Variants in ASB8 observed in about 807,000 individuals in gnomAD.
The protein encoded by ASB8 is ankyrin repeat and SOCS box containing 8.
A neutral mutation model predicts 22.9 loss-of-function variants in ASB8; 15 were observed. The ratio of observed to expected loss-of-function variants is 0.66; its 90% CI spans 0.44 to 1.01. The LOEUF (loss-of-function observed/expected upper bound fraction) is 1.01. ASB8 is among the 50% of genes least tolerant of loss of function. The pLI is 0.00. For missense variants in ASB8, 294 were observed against 356.9 expected (o/e 0.82, Z 1.42); for synonymous variants, 124 against 140.8 (o/e 0.88, Z 0.84).
At chr12:48,151,791 A>G (rs1951207855) in intron 2 of ASB8, 3 of 438,320 alleles carry the variant, frequency 6.8e-6, no homozygotes, top group Non-Finnish European at 8.3e-6. Context: ...TTTTATAAAC[A>G]TCTTCAAAGT....
At chr12:48,152,297 T>C (rs1032665783) in intron 2 of ASB8, among the ~76,000 whole-genome samples, 1 of 152,228 alleles carries the variant, frequency 6.6e-6, no homozygotes, top group African/African-American at 2.4e-5. Flanking sequence ...AAGCTAACAC[T>C]GCATGACTTT....
chr12:48,155,621 T>G (rs1951287771), intron 1 of ASB8, among the ~76,000 whole-genome samples: 1 of 150,802 alleles, frequency 6.6e-6, no homozygotes, highest in South Asian at 2.1e-4. Context: ...TCCCAGCCAC[T>G]TGGGAGGCTG....
chr12:48,152,221 G>C lies in ASB8; in HGVS notation c.130-916C>G, dbSNP rs148918652. 6.0e-3 allele frequency among the ~76,000 whole-genome samples: 913 copies of C among 151,938 alleles called. 8 individuals carry two copies. The highest frequency in any genetic ancestry group is 0.021 in the African/African-American group (852 of 41,432). ...AAAGTCACTGAATGACTCAGCAGCA[G>C]AGCTAGAATTAGAATGTTACAAGGT... On this transcript the variant is annotated intron_variant, in intron 2 of 3. Transcript: ENST00000317697.
Position 48,149,279 on chromosome 12 carries a change from C to T in ASB8, c.*87G>A. On this transcript the variant is annotated 3_prime_UTR_variant, in exon 4 of 4. Transcript: ENST00000317697. ...TCTATAAACCACACAACAGGAACAA[C>T]TGTTTTTCTGTTTTCTGTGACAAGG... The T allele has an allele frequency of 7.3e-7, 1 of 1,378,166 alleles. No homozygotes were observed. The highest frequency in any genetic ancestry group is 1.4e-5 in the South Asian group (1 of 72,554). The allele number at this position is 1,378,166 out of a possible 1,614,324, so 85.4% of individuals were successfully genotyped here. A position where few individuals can be genotyped will look rare whatever the true frequency, so the allele number is the denominator to read the frequency against.
chr12:48,151,339 C>A, intron 2 of ASB8, 34 bp from the exon 3 acceptor site: 2 of 1,539,078 alleles, frequency 1.3e-6, no homozygotes, highest in Non-Finnish European at 1.8e-6. Flanking sequence ...TCAGTGTGTT[C>A]AGCTCTGGCT....
chr12:48,150,205 C>T (rs1411456832), intron 3 of ASB8: 12 of 708,376 alleles, frequency 1.7e-5, no homozygotes, highest in Non-Finnish European at 3.1e-5. Context: ...TGTCCTCAAA[C>T]AGTCAACACT....
intron 1 of ASB8, chr12:48,153,938 T>C (rs1373642326): frequency 1.3e-5 from 2 of 155,214 alleles, no homozygotes; most frequent in African/African-American, 4.8e-5. Flanking sequence ...TATGTACATA[T>C]TGTTTCTCCA....
intron 1 of ASB8, among the ~76,000 whole-genome samples, chr12:48,155,377 GAAAT>G (rs1460508197): frequency 2.0e-5 from 3 of 152,110 alleles, no homozygotes; most frequent in Non-Finnish European, 2.9e-5. Context: ...TTCAAGACTT[GAAAT>G]AAATAAGCAC....
chr12:48,149,640 C>T lies in ASB8; in HGVS notation c.593G>A (p.Gly198Glu). Residue 198 changes from glycine (G) to glutamate (E), a missense_variant, in exon 4 of 4, where the codon GGA becomes GAA. By Grantham distance (98) the Gly-to-Glu change is moderately conservative (BLOSUM62 -2). Transcript: ENST00000317697. ...AGAGTCCTCTTTCTCTGTTCCAAGT[C>T]CCCTGACTAGCAGAGCCACCAGGCG... ...ISRLVALLVR[G>E]LGTEKEDSCF... 6.2e-7 allele frequency: 1 copy of T among 1,614,140 alleles called. No individual in the cohort carries two copies. The highest frequency in any genetic ancestry group is 1.1e-5 in the South Asian group (1 of 91,080).
chr12:48,152,690 A>G (rs559510785), intron 2 of ASB8: 84 of 152,200 alleles, frequency 5.5e-4, no homozygotes, highest in African/African-American at 1.9e-3. Flanking sequence ...AAAGGCTCAC[A>G]AGGATTTAAA....
At chr12:48,150,032 A>G (rs1951174441) in intron 3 of ASB8, 34 bp from the exon 4 acceptor site, 1 of 1,593,150 alleles carries the variant, frequency 6.3e-7, no homozygotes, top group Non-Finnish European at 8.6e-7. Context: ...CAGTAGACAG[A>G]CTACTGAGAG....
At chr12:48,150,109 C>T (rs995184608) in intron 3 of ASB8, 111 bp from the exon 4 acceptor site, 8 of 1,205,740 alleles carry the variant, frequency 6.6e-6, no homozygotes, top group Non-Finnish European at 8.5e-6. Context: ...GTGCTCTGAA[C>T]AGGAGGGTCA....
chr12:48,155,646 C>T (rs113983991), intron 1 of ASB8, among the ~76,000 whole-genome samples: 5,861 of 149,904 alleles, frequency 0.039, 334 homozygotes, highest in African/African-American at 0.12. Flanking sequence ...AGGAGAATCG[C>T]TTGAACCTGG....
chr12:48,152,150 C>CA (rs61131844), intron 2 of ASB8, among the ~76,000 whole-genome samples: 53,532 of 127,652 alleles, frequency 0.42, 10,314 homozygotes, highest in African/African-American at 0.53. Context: ...AACTCCGTCT[C>CA]AAAAAAAAAA....
intron 2 of ASB8, 75 bp from the exon 3 acceptor site, chr12:48,151,380 C>T (rs1951200930): frequency 1.6e-6 from 2 of 1,236,306 alleles, no homozygotes; most frequent in African/African-American, 3.0e-5. Flanking sequence ...AGAACTGAGT[C>T]CAGGGGACAG....
rs190419266 is a variant in ASB8 at position 48,152,570 on chromosome 12, A to G, written c.129+798T>C. Among the ~76,000 whole-genome samples the G allele has an allele frequency of 9.1e-4, 138 of 152,338 alleles. 1 individual carries two copies. Among genetic ancestry groups the G allele is most frequent in the Non-Finnish European group, 1.3e-3 (90 of 68,040 alleles). ...GGTGTTTTCTTAAACTATAATTACCATGCATTTTAGAGGTTGATATCCTCT... is the reference window on the plus strand; with the variant it reads ...GGTGTTTTCTTAAACTATAATTACCGTGCATTTTAGAGGTTGATATCCTCT... On this transcript the variant is annotated intron_variant, in intron 2 of 3. Transcript: ENST00000317697.
At chr12:48,154,995 T>A (rs1309002327) in intron 1 of ASB8, among the ~76,000 whole-genome samples, 1 of 152,122 alleles carries the variant, frequency 6.6e-6, no homozygotes, top group Non-Finnish European at 1.5e-5. Flanking sequence ...TCATGGCAAC[T>A]GAGAAATAGA....
At position 48,149,312 on chromosome 12, in the gene ASB8, C is replaced by G; in HGVS notation, c.*54G>C. 1 of 1,534,568 alleles carries G rather than the reference C, an allele frequency of 6.5e-7. No homozygotes were observed. The highest frequency in any genetic ancestry group is 8.9e-7 in the Non-Finnish European group (1 of 1,125,742). On this transcript the variant is annotated 3_prime_UTR_variant, in exon 4 of 4. Coordinates refer to ENST00000317697, the MANE Select transcript of ASB8 (RefSeq NM_024095.5). ...CTGTTTTCTGTGACAAGGAGTACTG[C>G]AGGGACAACCTCACCCAGAGCTGCC... is the stretch of plus-strand genomic sequence containing the variant.
intron 3 of ASB8, chr12:48,150,958 G>A (rs1029319241): frequency 1.7e-6 from 1 of 589,200 alleles, no homozygotes; most frequent in Non-Finnish European, 3.0e-6. Flanking sequence ...GAAAGGCAGA[G>A]TATCAGCACC....
Sources: gnomAD v4.1 joint callset for allele counts (sites outside exome capture counted in the v4.1 genomes callset) on GRCh38, gnomAD v4.1.1 for gene constraint, MANE v1.5 for transcripts, NCBI Gene and HGNC (gene_info 2026-07-23, HGNC 2026-07-21) for gene names.